The following DOCK9 variants were observed in gnomAD, a reference collection of about 807,000 sequenced individuals.
DOCK9 encodes dedicator of cytokinesis protein 9.
A neutral mutation model predicts 263.3 loss-of-function variants in DOCK9; 89 were observed. The ratio of observed to expected loss-of-function variants is 0.34; its 90% confidence interval spans 0.28 to 0.40. DOCK9 has a LOEUF of 0.40. DOCK9 is among the 10% of genes least tolerant of loss of function. The pLI is 1.00. For synonymous variants in DOCK9, 976 were observed against 973.1 expected (o/e 1.00, Z -0.06); for missense variants, 2,140 against 2,603.4 (o/e 0.82, Z 3.87).
chr13:98,810,422 C>CACTT, intron 45 of DOCK9, 131 bp from the exon 46 acceptor site: 2 of 1,094,354 alleles, frequency 1.8e-6, no homozygotes, highest in South Asian at 3.1e-5. Context: ...CATCAACACT[C>CACTT]ACTTCCACAC....
chr13:98,968,868 C>T (rs373903167), intron 1 of DOCK9, among the ~76,000 whole-genome samples: 6 of 152,180 alleles, frequency 3.9e-5, no homozygotes, highest in Admixed American at 1.3e-4. Flanking sequence ...CCAGTGTCTC[C>T]AATAGGCCCC....
chr13:98,911,308 G>T (rs1023455341), intron 9 of DOCK9, among the ~76,000 whole-genome samples: 1 of 152,186 alleles, frequency 6.6e-6, no homozygotes, highest in African/African-American at 2.4e-5. Context: ...CTCCTGGTAA[G>T]AAATGTTTCA....
rs1290736759 is a variant in DOCK9, at chr13:99,031,780, T to C, written c.129+54443A>G. Among the ~76,000 whole-genome samples the C allele has an allele frequency of 4.6e-5, 7 of 152,344 alleles. No individual in the cohort carries two copies. The East Asian group carries it at 1.2e-3, about 25-fold the overall frequency. On this transcript the variant is annotated intron_variant, in intron 1 of 32. Coordinates refer to the DOCK9 transcript ENST00000427887. ...CTTTTGTTTTCAGGCTTGCTTCATG[T>C]TCCACCTTCTTCCATGGAAGATGAG...
intron 1 of DOCK9, among the ~76,000 whole-genome samples, chr13:99,050,417 G>A (rs1391239454): frequency 2.0e-5 from 3 of 152,162 alleles, no homozygotes; most frequent in Non-Finnish European, 2.9e-5. Context: ...TGTCATGACC[G>A]GGCGCAGTGG....
At chr13:99,017,847 G>A (rs577686703) in intron 1 of DOCK9, among the ~76,000 whole-genome samples, 10 of 152,268 alleles carry the variant, frequency 6.6e-5, no homozygotes, top group South Asian at 2.1e-4. Flanking sequence ...TGAGGGCTGC[G>A]GGTAGGACAA....
At chr13:98,802,452 G>T (rs1448867390) in intron 49 of DOCK9, among the ~76,000 whole-genome samples, 1 of 152,238 alleles carries the variant, frequency 6.6e-6, no homozygotes, top group Non-Finnish European at 1.5e-5. Flanking sequence ...GACGGGGAAG[G>T]CCCAGTGATA....
At chr13:99,026,230 T>C (rs1886703460) in intron 1 of DOCK9, among the ~76,000 whole-genome samples, 1 of 152,194 alleles carries the variant, frequency 6.6e-6, no homozygotes, top group Admixed American at 6.5e-5. Flanking sequence ...ACTCTGAATA[T>C]ACTGAAAACC....
chr13:98,900,406 C>G (rs1014565019), intron 13 of DOCK9, among the ~76,000 whole-genome samples: 2 of 152,092 alleles, frequency 1.3e-5, no homozygotes, highest in Non-Finnish European at 2.9e-5. Flanking sequence ...TTGATCAAAA[C>G]ATAAAAGAGC....
chr13:98,979,956 C>T (rs1239802535), upstream of DOCK9, among the ~76,000 whole-genome samples: 1 of 152,258 alleles, frequency 6.6e-6, no homozygotes, highest in Non-Finnish European at 1.5e-5. Flanking sequence ...TAGTCCAGTT[C>T]TTCCTCAAAT....
chr13:98,895,375 T>C (rs550396782), intron 15 of DOCK9, among the ~76,000 whole-genome samples: 16 of 151,900 alleles, frequency 1.1e-4, no homozygotes, highest in South Asian at 8.3e-4. Context: ...AAAAAAAATG[T>C]TCCCCCCTAG....
At chr13:99,065,017 TAACGG>T (rs2142321471) in intron 1 of DOCK9, among the ~76,000 whole-genome samples, 1 of 152,162 alleles carries the variant, frequency 6.6e-6, no homozygotes, top group African/African-American at 2.4e-5. Context: ...AAGGCCTGTG[TAACGG>T]GCTGGATGTT....
intron 1 of DOCK9, among the ~76,000 whole-genome samples, chr13:99,072,604 C>T (rs1260257718): frequency 6.6e-6 from 1 of 152,166 alleles, no homozygotes; most frequent in African/African-American, 2.4e-5. Flanking sequence ...CTCGCTGATG[C>T]TATCTATACC....
intron 1 of DOCK9, among the ~76,000 whole-genome samples, chr13:99,086,016 G>A (rs964076852): frequency 1.3e-5 from 2 of 152,144 alleles, no homozygotes; most frequent in African/African-American, 4.8e-5. Flanking sequence ...TGGGTGGCGG[G>A]GAGGGGTCTG....
chr13:98,910,149 C>G (rs1422829247), intron 9 of DOCK9, among the ~76,000 whole-genome samples: 1 of 152,234 alleles, frequency 6.6e-6, no homozygotes, highest in Non-Finnish European at 1.5e-5. Flanking sequence ...CATATATGTT[C>G]TGATGTCACC....
chr13:98,939,524 C>T (rs2055467192), intron 2 of DOCK9, among the ~76,000 whole-genome samples: 1 of 151,730 alleles, frequency 6.6e-6, no homozygotes, highest in African/African-American at 2.4e-5. Flanking sequence ...GGACCTTATG[C>T]ATTTGTCAGA....
intron 1 of DOCK9, among the ~76,000 whole-genome samples, chr13:99,082,076 A>T (rs1341719817): frequency 1.3e-5 from 2 of 152,038 alleles, no homozygotes. Context: ...AAAATTAGCT[A>T]GGCGTGGTGG....
intron 1 of DOCK9, among the ~76,000 whole-genome samples, chr13:99,069,496 C>A (rs1346829199): frequency 3.3e-5 from 5 of 152,212 alleles, no homozygotes; most frequent in Admixed American, 3.3e-4. Context: ...CTTGACAACA[C>A]ACAAGTGTAA....
chr13:98,815,869 T>C (rs2091797352), intron 45 of DOCK9, among the ~76,000 whole-genome samples: 1 of 152,234 alleles, frequency 6.6e-6, no homozygotes, highest in Non-Finnish European at 1.5e-5. Flanking sequence ...AATGACACCC[T>C]GTCCTTTGTG....
chr13:98,842,273 C>T (rs1334998482), intron 38 of DOCK9, among the ~76,000 whole-genome samples: 1 of 152,214 alleles, frequency 6.6e-6, no homozygotes, highest in Non-Finnish European at 1.5e-5. Context: ...TCTGTTTGCA[C>T]AGCTCCAGCT....
Sources: gnomAD v4.1 joint callset for allele counts (sites outside exome capture counted in the v4.1 genomes callset) on GRCh38, gnomAD v4.1.1 for gene constraint, MANE v1.5 for transcripts, NCBI Gene and HGNC (gene_info 2026-07-23, HGNC 2026-07-21) for gene names.